ACACB: variants seen among roughly 807,000 people sequenced by gnomAD.
ACACB encodes acetyl-CoA carboxylase beta.
Under a neutral mutation model 278.8 loss-of-function variants are expected in ACACB, and 209 were observed. The ratio of observed to expected loss-of-function variants is 0.75; its 90% CI spans 0.67 to 0.84. The LOEUF (loss-of-function observed/expected upper bound fraction) is 0.84, where lower values mean the gene tolerates loss of function less well. Among genes scored for constraint, ACACB ranks in the 40% least tolerant of loss-of-function variants. The pLI is 0.00. For missense variants in ACACB, 2,850 were observed against 3,269.0 expected (o/e 0.87, Z 3.13); for synonymous variants, 1,174 against 1,285.6 (o/e 0.91, Z 1.86).
intron 1 of ACACB, among the ~76,000 whole-genome samples, chr12:109,128,359 C>T (rs12305951): frequency 0.19 from 29,043 of 151,574 alleles, 2,807 homozygotes; most frequent in East Asian, 0.34. Context: ...ATTTTTTAGA[C>T]GGAGTTTCAC....
At chr12:109,257,052 T>A (rs1331673918) in intron 45 of ACACB, among the ~76,000 whole-genome samples, 1 of 152,070 alleles carries the variant, frequency 6.6e-6, no homozygotes, top group Non-Finnish European at 1.5e-5. Flanking sequence ...GGCGGGTGGA[T>A]CACCTGCAGT....
At chr12:109,128,582 G>GC (rs938770323) in intron 1 of ACACB, among the ~76,000 whole-genome samples, 1 of 151,784 alleles carries the variant, frequency 6.6e-6, no homozygotes, top group African/African-American at 2.4e-5. Context: ...CAAGTGATCT[G>GC]CCCCCCTCAG....
At chr12:109,118,821 A>G (rs2042469394) in intron 1 of ACACB, among the ~76,000 whole-genome samples, 1 of 152,178 alleles carries the variant, frequency 6.6e-6, no homozygotes, top group South Asian at 2.1e-4. Flanking sequence ...AGTTAGAAAT[A>G]TTGCATTTGA....
At chr12:109,143,171 G>A (rs1202490190) in intron 2 of ACACB, among the ~76,000 whole-genome samples, 1 of 152,068 alleles carries the variant, frequency 6.6e-6, no homozygotes, top group Non-Finnish European at 1.5e-5. Flanking sequence ...TTTAGAATGA[G>A]GAGGCTGAGG....
At chr12:109,171,344 ATTTTCTTTC>A (rs1479304983) in intron 4 of ACACB, among the ~76,000 whole-genome samples, 1 of 144,828 alleles carries the variant, frequency 6.9e-6, no homozygotes, top group Non-Finnish European at 1.5e-5. Context: ...TTTTCTTTAC[ATTTTCTTTC>A]TTTTTTTTTT....
rs1296903526 is a variant in ACACB at position 109,260,652 on chromosome 12, G to A, written c.6669G>A (p.Glu2223=). The part of the protein sequence containing the change: ...PLCIEMYADK[E]SRGGVLEPEG... ...GCATAGAAATGTATGCAGACAAAGA[G>A]AGCAGGTGGGTGTGTTGCCCTTAGC... Residue 2223 remains glutamate, a synonymous_variant, in exon 48 of 53, where the codon GAG becomes GAA. Transcript: ENST00000338432. The A allele has an allele frequency of 6.4e-7, 1 of 1,568,856 alleles. No homozygotes were observed. The highest frequency in any genetic ancestry group is 1.2e-5 in the South Asian group (1 of 83,690).
chr12:109,134,918 G>GAGAAATA, intron 1 of ACACB, among the ~76,000 whole-genome samples: 1 of 152,206 alleles, frequency 6.6e-6, no homozygotes, highest in Non-Finnish European at 1.5e-5. Flanking sequence ...TATCAGTAGT[G>GAGAAATA]CCATGGTTGA....
At position 109,246,260 on chromosome 12, in the gene ACACB, A is replaced by G. The variant is rs761802046; in HGVS notation, c.5383A>G (p.Ile1795Val). 5.6e-6 allele frequency: 9 copies of G among 1,613,562 alleles called. No homozygotes were observed. Among genetic ancestry groups the G allele is most frequent in the Non-Finnish European group, 6.8e-6 (8 of 1,179,942 alleles). ...GGATGTGATCGTCATCGGCAATGAC[A>G]TCACCTTTCGCATTGGATCCTTTGG... is the stretch of plus-strand genomic sequence containing the variant. ...GRDVIVIGND[I>V]TFRIGSFGPG... The change falls in exon 39 of 53, where the codon ATC (isoleucine) becomes GTC (valine). Residue 1795 changes from isoleucine (I) to valine (V), a missense_variant. Physicochemically the swap from Ile to Val is conservative, Grantham distance 29. Transcript: ENST00000338432.
Position 109,172,327 on chromosome 12 carries a change from T to C in ACACB, c.1088T>C (p.Leu363Pro). The stretch of plus-strand genomic sequence containing the variant: ...TCAGAAAACCCTAAACTTCCGGAGC[T>C]GCTGTGCAAGAATGGAGTTGCTTTC... ...HASENPKLPE[L>P]LCKNGVAFLG... Residue 363 changes from leucine to proline, a missense_variant, in exon 6 of 53, where the codon CTG (leucine) becomes CCG (proline). By Grantham distance (98) the Leu-to-Pro change is moderately conservative. Coordinates refer to ENST00000338432, the MANE Select transcript of ACACB (RefSeq NM_001093.4). 1 of 1,614,166 alleles carries C rather than the reference T, an allele frequency of 6.2e-7. No individual in the cohort carries two copies. The highest frequency in any genetic ancestry group is 2.2e-5 in the East Asian group (1 of 44,884).
At chr12:109,250,222 A>T in intron 41 of ACACB, 118 bp downstream of exon 41, 1 of 1,090,044 alleles carries the variant, frequency 9.2e-7, no homozygotes, top group Non-Finnish European at 1.3e-6. Flanking sequence ...TACCTCCTAC[A>T]GTTACCACAT....
chr12:109,235,998 C>CA (rs985023814), intron 33 of ACACB: 15 of 183,286 alleles, frequency 8.2e-5, no homozygotes, highest in Middle Eastern at 2.2e-3. Flanking sequence ...GACTCTGTCT[C>CA]AAAAAAAAGG....
At chr12:109,131,811 C>T (rs564696698) in intron 1 of ACACB, among the ~76,000 whole-genome samples, 1 of 152,146 alleles carries the variant, frequency 6.6e-6, no homozygotes, top group Non-Finnish European at 1.5e-5. Flanking sequence ...GTCATGATAG[C>T]GTCCACAGAG....
upstream of ACACB, among the ~76,000 whole-genome samples, chr12:109,115,230 A>G (rs530950046): frequency 2.0e-5 from 3 of 152,304 alleles, no homozygotes; most frequent in East Asian, 5.8e-4. Flanking sequence ...AGGACACTGA[A>G]GCTCAGCCAT....
At chr12:109,184,033 T>C (rs1360253227) in intron 11 of ACACB, among the ~76,000 whole-genome samples, 1 of 152,044 alleles carries the variant, frequency 6.6e-6, no homozygotes, top group Admixed American at 6.6e-5. Flanking sequence ...TGTCTGTTTG[T>C]ATAATTTTAG....
In ACACB at chr12:109,197,114, G is replaced by C; in HGVS notation, c.2588G>C (p.Gly863Ala). 6.2e-7 allele frequency: 1 copy of C among 1,604,188 alleles called. No individual in the cohort carries two copies. The highest frequency in any genetic ancestry group is 8.5e-7 in the Non-Finnish European group (1 of 1,176,168). ...NDGGLLLSYN[G>A]NSYTTYMKEE... ...GGGGGGCTCCTGCTCTCCTACAATG[G>C]GAACAGCTACACCACCTACATGAAG... Residue 863 changes from glycine to alanine, a missense_variant, in exon 17 of 53, where the codon GGG becomes GCG. Gly to Ala is a moderately conservative substitution (Grantham distance 60). Around this residue, in one of 3 missense-constraint regions of ACACB, gnomAD observed 2,265 missense variants for 2,561.3 expected, o/e 0.88. Transcript: ENST00000338432.
intron 43 of ACACB, 119 bp downstream of exon 43, chr12:109,253,277 T>C: frequency 8.9e-7 from 1 of 1,127,976 alleles, no homozygotes; most frequent in Non-Finnish European, 1.2e-6. Context: ...GCACTGCACA[T>C]GTGGCTGGGG....
chr12:109,249,017 TG>T, intron 40 of ACACB: 1 of 152,376 alleles, frequency 6.6e-6, no homozygotes, highest in Non-Finnish European at 1.5e-5. Flanking sequence ...CAGATATCTT[TG>T]GTTGTATAAA....
At position 109,166,414 on chromosome 12, in the gene ACACB, A is replaced by G. The variant is rs996302047; in HGVS notation, c.654-447A>G. On this transcript the variant is annotated intron_variant, in intron 2 of 52. Coordinates refer to ENST00000338432, the MANE Select transcript of ACACB (RefSeq NM_001093.4). ...CCTCTTAAGGTGCTTTCAGTTGGGTACAGTGGTTCACGCCTGTAATCCCAA... is the reference window on the plus strand; with the variant it reads ...CCTCTTAAGGTGCTTTCAGTTGGGTGCAGTGGTTCACGCCTGTAATCCCAA... Among the ~76,000 whole-genome samples the G allele has an allele frequency of 3.9e-5, 6 of 152,070 alleles. 1 individual carries two copies. The highest frequency in any genetic ancestry group is 2.0e-4 in the Admixed American group (3 of 15,272).
At chr12:109,197,293 G>A (rs1167436469) in intron 17 of ACACB, 140 bp downstream of exon 17, 13 of 1,097,778 alleles carry the variant, frequency 1.2e-5, no homozygotes, top group Non-Finnish European at 1.5e-5. Context: ...GGGGTGTGCA[G>A]AGAAGTTAAT....
Sources: gnomAD v4.1 joint callset for allele counts (sites outside exome capture counted in the v4.1 genomes callset) on GRCh38, gnomAD v4.1.1 for gene constraint, gnomAD v4.1.1 regional missense constraint, MANE v1.5 for transcripts, NCBI Gene and HGNC (gene_info 2026-07-23, HGNC 2026-07-21) for gene names.